Variants in PDE4DIP observed in about 807,000 individuals in gnomAD.
The protein encoded by PDE4DIP is myomegalin.
A neutral mutation model predicts 221.4 loss-of-function variants in PDE4DIP; 59 were observed. That is an observed-to-expected ratio of 0.27 (90% CI 0.22 to 0.33). The LOEUF (loss-of-function observed/expected upper bound fraction) is 0.33. PDE4DIP is among the 10% of genes least tolerant of loss of function. The pLI is 1.00. For synonymous variants in PDE4DIP, 404 were observed against 815.9 expected, an observed-to-expected ratio of 0.50 and a Z score of 8.60; for missense variants, 1,036 against 2,154.2, an observed-to-expected ratio of 0.48 and a Z score of 10.28.
chr1:148,975,133 C>G (rs1387403656), intron 17 of PDE4DIP, among the ~76,000 whole-genome samples: 17 of 148,004 alleles, frequency 1.1e-4, no homozygotes, highest in Admixed American at 1.1e-3. Context: ...ATCGTGCCAT[C>G]ACACTCCAGC....
At chr1:148,973,247 C>T (rs1348724678) in intron 16 of PDE4DIP, among the ~76,000 whole-genome samples, 1 of 151,744 alleles carries the variant, frequency 6.6e-6, no homozygotes, top group African/African-American at 2.4e-5. Flanking sequence ...TCTCTCTGCT[C>T]ACCTCTCGAG....
chr1:148,962,442 T>G, exon 9 of PDE4DIP: 1 of 642,804 alleles, frequency 1.6e-6, no homozygotes, highest in Non-Finnish European at 2.8e-6. Context: ...CAGAGGGTAC[T>G]TCTCCAGCTC....
intron 1 of PDE4DIP, among the ~76,000 whole-genome samples, chr1:148,815,356 C>T (rs1287155591): frequency 7.0e-6 from 1 of 142,762 alleles, no homozygotes; most frequent in African/African-American, 2.5e-5. Context: ...AGAGACCATC[C>T]TGGCCAACAT....
At chr1:148,952,440 T>C (rs1467052888) in intron 5 of PDE4DIP, 14 of 1,090,054 alleles carry the variant, frequency 1.3e-5, no homozygotes, top group Non-Finnish European at 1.6e-5. Context: ...CCCAGTCTGC[T>C]AAAAGGGGAG....
intron 21 of PDE4DIP, chr1:148,983,099 A>G (rs1468732354): frequency 2.0e-5 from 3 of 152,154 alleles, no homozygotes; most frequent in Non-Finnish European, 2.9e-5. Flanking sequence ...AGGCCGATCC[A>G]TCCACTTTTC....
At chr1:149,033,008 T>G (rs141526684) in exon 44 of PDE4DIP, 14,180 of 153,710 alleles carry the variant, frequency 0.092, 855 homozygotes, top group African/African-American at 0.21. Flanking sequence ...ATAAATAGTT[T>G]TTCTTTCACT....
intron 5 of PDE4DIP, among the ~76,000 whole-genome samples, chr1:148,951,442 T>C (rs2053204601): frequency 6.6e-6 from 1 of 152,074 alleles, no homozygotes; most frequent in Non-Finnish European, 1.5e-5. Context: ...CCTATCACTG[T>C]ACAATGCTGA....
At chr1:148,978,196 C>A in intron 18 of PDE4DIP, 82 bp from the exon 22 acceptor site, 1 of 1,345,238 alleles carries the variant, frequency 7.4e-7, no homozygotes, top group Non-Finnish European at 1.1e-6. Flanking sequence ...CAGAATATTT[C>A]AAGACATTTG....
chr1:148,991,194 C>G (rs1379072046), intron 21 of PDE4DIP, among the ~76,000 whole-genome samples: 1 of 147,986 alleles, frequency 6.8e-6, no homozygotes, highest in Non-Finnish European at 1.5e-5. Context: ...TGGCTGTGTC[C>G]ATCTCTGGAG....
intron 17 of PDE4DIP, among the ~76,000 whole-genome samples, chr1:148,975,756 A>G (rs1339189686): frequency 6.6e-6 from 1 of 151,990 alleles, no homozygotes; most frequent in Non-Finnish European, 1.5e-5. Flanking sequence ...GTTTGTTACT[A>G]TGCTGGCATC....
At chr1:148,820,503 G>A (rs1475825974) in intron 1 of PDE4DIP, among the ~76,000 whole-genome samples, 1 of 142,480 alleles carries the variant, frequency 7.0e-6, no homozygotes, top group East Asian at 2.1e-4. Context: ...AGGAGGCGTA[G>A]GTTGCAGTGA....
intron 17 of PDE4DIP, among the ~76,000 whole-genome samples, chr1:148,977,409 T>C (rs1281676185): frequency 1.0e-5 from 1 of 99,440 alleles, no homozygotes; most frequent in Non-Finnish European, 2.0e-5. Context: ...ATGAGAACAC[T>C]GAAAGTTTAG....
chr1:149,017,732 G>C lies in PDE4DIP; in HGVS notation c.5519-16G>C, dbSNP rs1553612944. 2 of 1,488,456 alleles carry C rather than the reference G, an allele frequency of 1.3e-6. No individual in the cohort carries two copies. The allele number at this position is 1,488,456 out of a possible 1,614,324, so 92.2% of individuals were successfully genotyped here. The stretch of plus-strand genomic sequence containing the variant: ...CATCTCCCACCTCTCTTCATGTCCT[G>C]GTGGTTTGGCCGCAGGGGCTGACCT... On this transcript the variant is annotated splice_polypyrimidine_tract_variant and intron_variant, in intron 33 of 43. Coordinates refer to ENST00000369354, the Ensembl canonical transcript of PDE4DIP.
chr1:148,989,725 CTGAG>C (rs1438649050), intron 21 of PDE4DIP, among the ~76,000 whole-genome samples: 1 of 152,192 alleles, frequency 6.6e-6, no homozygotes, highest in Non-Finnish European at 1.5e-5. Flanking sequence ...TTTTTTGTCA[CTGAG>C]TGAGACAATT....
At chr1:148,817,974 G>A (rs1210039643) in intron 1 of PDE4DIP, among the ~76,000 whole-genome samples, 2 of 146,628 alleles carry the variant, frequency 1.4e-5, no homozygotes, top group African/African-American at 2.6e-5. Flanking sequence ...CCACCACCAC[G>A]CCTGGCTAAT....
At chr1:148,980,747 A>G (rs1553541910) in intron 20 of PDE4DIP, among the ~76,000 whole-genome samples, 1 of 152,176 alleles carries the variant, frequency 6.6e-6, no homozygotes, top group African/African-American at 2.4e-5. Context: ...AAGGTATGAT[A>G]GGACCAGTTG....
chr1:149,029,633 C>A (rs1456520211), intron 41 of PDE4DIP, among the ~76,000 whole-genome samples, 154 bp from the exon 45 acceptor site: 1 of 152,158 alleles, frequency 6.6e-6, no homozygotes, highest in African/African-American at 2.4e-5. Flanking sequence ...CTGAACTGTC[C>A]TCAGCTGGAG....
intron 29 of PDE4DIP, among the ~76,000 whole-genome samples, chr1:149,009,138 CAT>C (rs1182758216): frequency 3.8e-5 from 5 of 131,094 alleles, no homozygotes; most frequent in Non-Finnish European, 8.1e-5. Flanking sequence ...ATCATAGAAA[CAT>C]ATATGGTCTG....
chr1:148,963,874 C>T (rs1574426904), intron 9 of PDE4DIP, among the ~76,000 whole-genome samples: 1 of 146,288 alleles, frequency 6.8e-6, no homozygotes, highest in African/African-American at 2.5e-5. Flanking sequence ...CTGCCTCAGC[C>T]TCCCAAGTAG....
Sources: allele counts gnomAD v4.1 joint callset (sites outside exome capture counted in the v4.1 genomes callset), GRCh38; gene constraint gnomAD v4.1.1; transcripts MANE v1.5; gene names NCBI Gene and HGNC (gene_info 2026-07-23, HGNC 2026-07-21).